The following MCF2L2 variants were observed in gnomAD, a reference collection of about 807,000 sequenced individuals.
MCF2L2 encodes MCF.2 cell line derived transforming sequence-like 2, also known as probable guanine nucleotide exchange factor MCF2L2.
In MCF2L2, 102 loss-of-function variants were observed where a neutral mutation model predicts 150.2. The observed-to-expected ratio is 0.68, with a 90% confidence interval of 0.58 to 0.80. The LOEUF (loss-of-function observed/expected upper bound fraction) is 0.80, where lower values mean the gene tolerates loss of function less well. Among genes scored for constraint, MCF2L2 ranks in the 30% least tolerant of loss-of-function variants. The pLI is 0.00. For missense variants in MCF2L2, 1,256 were observed against 1,372.8 expected, an observed-to-expected ratio of 0.91 and a Z score of 1.34; for synonymous variants, 465 against 491.3, an observed-to-expected ratio of 0.95 and a Z score of 0.71.
intron 25 of MCF2L2, among the ~76,000 whole-genome samples, chr3:183,202,515 A>C (rs1560338668): frequency 6.6e-6 from 1 of 152,246 alleles, no homozygotes; most frequent in Admixed American, 6.5e-5. Flanking sequence ...CACAAACAGA[A>C]AGTGAAAGCT....
intron 1 of MCF2L2, among the ~76,000 whole-genome samples, chr3:183,417,292 G>A (rs577435404): frequency 2.0e-5 from 3 of 152,020 alleles, no homozygotes; most frequent in Non-Finnish European, 2.9e-5. Flanking sequence ...GCCAAGGAAT[G>A]GCTGTATGCA....
intron 2 of MCF2L2, among the ~76,000 whole-genome samples, chr3:183,382,301 C>A (rs895874907): frequency 6.6e-6 from 1 of 152,120 alleles, no homozygotes; most frequent in Non-Finnish European, 1.5e-5. Flanking sequence ...TCAACTGATC[C>A]GTCTGCCTCG....
intron 3 of MCF2L2, among the ~76,000 whole-genome samples, chr3:183,360,956 C>CAGAAA (rs71185654): frequency 0.066 from 5,799 of 88,340 alleles, 286 homozygotes; most frequent in East Asian, 0.1. Flanking sequence ...GAGTGAAACT[C>CAGAAA]AGAAAAGAAA....
intron 2 of MCF2L2, among the ~76,000 whole-genome samples, chr3:183,380,572 T>C (rs923786438): frequency 1.3e-5 from 2 of 152,112 alleles, no homozygotes; most frequent in Non-Finnish European, 2.9e-5. Flanking sequence ...CAGCTAATTT[T>C]TGTATTTTTA....
At chr3:183,289,812 C>T (rs1203129348) in intron 13 of MCF2L2, among the ~76,000 whole-genome samples, 8 of 152,194 alleles carry the variant, frequency 5.3e-5, no homozygotes, top group Non-Finnish European at 1.2e-4. Context: ...GCTGAGATTG[C>T]GCCACTGCAC....
chr3:183,344,134 C>A (rs1730809422), intron 3 of MCF2L2, among the ~76,000 whole-genome samples: 1 of 151,086 alleles, frequency 6.6e-6, no homozygotes, highest in Admixed American at 6.6e-5. Flanking sequence ...AAAAACAAAA[C>A]CACCACCCCC....
chr3:183,413,154 G>A (rs1715409557), intron 1 of MCF2L2, among the ~76,000 whole-genome samples: 2 of 152,058 alleles, frequency 1.3e-5, no homozygotes, highest in African/African-American at 4.8e-5. Flanking sequence ...TGTATCTATA[G>A]TTGACCTTTG....
chr3:183,252,972 T>C (rs1724637890), intron 15 of MCF2L2, among the ~76,000 whole-genome samples: 1 of 152,200 alleles, frequency 6.6e-6, no homozygotes, highest in Non-Finnish European at 1.5e-5. Flanking sequence ...TGAAGTATTC[T>C]AAAGGAGGAA....
At chr3:183,327,235 G>A (rs1730083142) in intron 5 of MCF2L2, among the ~76,000 whole-genome samples, 1 of 152,146 alleles carries the variant, frequency 6.6e-6, no homozygotes, top group Admixed American at 6.5e-5. Context: ...TGAGGCAGGA[G>A]AATCGCTTGA....
rs1721394888 is a variant in MCF2L2, at chr3:183,178,618, C to CTTTTTATAGTTTCAGTTATT, written c.*761_*762insAATAACTGAAACTATAAAAA. The stretch of plus-strand genomic sequence containing the variant: ...AGTAACTATAAACCAGTAACTGAAA[C>CTTTTTATAGTTTCAGTTATT]TATAAAATTAAATAACCAGAAAGCT... On this transcript the variant is annotated 3_prime_UTR_variant, in exon 30 of 30. Coordinates refer to ENST00000328913, the MANE Select transcript of MCF2L2 (RefSeq NM_015078.4). 6.6e-6 allele frequency: 1 copy of CTTTTTATAGTTTCAGTTATT among 152,028 alleles called. No individual in the cohort carries two copies. Among genetic ancestry groups the CTTTTTATAGTTTCAGTTATT allele is most frequent in the South Asian group, 2.1e-4 (1 of 4,834 alleles). The allele number at this position is 152,028 out of a possible 1,614,324, so 9.4% of individuals were successfully genotyped here.
intron 3 of MCF2L2, among the ~76,000 whole-genome samples, chr3:183,345,666 T>C (rs935489172): frequency 1.3e-5 from 2 of 152,026 alleles, no homozygotes; most frequent in East Asian, 3.9e-4. Context: ...AATAGATAGA[T>C]TGCTAGCCAG....
intron 1 of MCF2L2, among the ~76,000 whole-genome samples, chr3:183,420,679 T>C (rs1715835374): frequency 6.6e-6 from 1 of 152,188 alleles, no homozygotes; most frequent in Non-Finnish European, 1.5e-5. Flanking sequence ...TCCGCCTGGC[T>C]GGGGAAGCCT....
intron 5 of MCF2L2, among the ~76,000 whole-genome samples, chr3:183,335,454 C>A (rs937242307): frequency 3.9e-5 from 6 of 151,994 alleles, no homozygotes; most frequent in African/African-American, 1.5e-4. Flanking sequence ...ATGTATGTTG[C>A]CCTCCAAAAT....
chr3:183,270,705 T>G lies in MCF2L2; in HGVS notation c.1862+6167A>C. The G allele has an allele frequency of 6.2e-7, 1 of 1,613,864 alleles. No individual in the cohort carries two copies. The highest frequency in any genetic ancestry group is 8.5e-7 in the Non-Finnish European group (1 of 1,179,894). ...GATAGTACCGCAGGACCATGTGTTT[T>G]TTTCTGGAGAGGGTAAAACTCCTTA... is the stretch of plus-strand genomic sequence containing the variant. On this transcript the variant is annotated intron_variant, in intron 15 of 29. Transcript: ENST00000328913. The surrounding 1 kb of genome is among the most constrained non-coding windows in gnomAD (Gnocchi z 4.5).
chr3:183,194,527 A>G (rs1212708803), intron 26 of MCF2L2, among the ~76,000 whole-genome samples: 1 of 152,154 alleles, frequency 6.6e-6, no homozygotes, highest in Non-Finnish European at 1.5e-5. Context: ...GCGTTTGCCC[A>G]CTCAGTAAAG....
At chr3:183,215,844 A>ACT in intron 22 of MCF2L2, 125 bp downstream of exon 22, 2 of 1,178,366 alleles carry the variant, frequency 1.7e-6, no homozygotes, top group Non-Finnish European at 2.3e-6. Context: ...AATTTAGGCG[A>ACT]CTGTCCTCAG....
At chr3:183,225,921 T>C (rs1231082583) in intron 18 of MCF2L2, 1 of 152,232 alleles carries the variant, frequency 6.6e-6, no homozygotes, top group Non-Finnish European at 1.5e-5. Context: ...AAGTTTAAGT[T>C]ATTTACTGGA....
At chr3:183,182,038 G>GC (rs1721542425) in intron 27 of MCF2L2, among the ~76,000 whole-genome samples, 1 of 152,190 alleles carries the variant, frequency 6.6e-6, no homozygotes, top group Admixed American at 6.5e-5. Flanking sequence ...CGCGGGCCCT[G>GC]CAGGGAAGCG....
At chr3:183,320,249 C>G (rs1379457227) in intron 6 of MCF2L2, among the ~76,000 whole-genome samples, 1 of 152,036 alleles carries the variant, frequency 6.6e-6, no homozygotes, top group Admixed American at 6.6e-5. Flanking sequence ...CCCGCCACCA[C>G]GCCCAGCTAA....
Sources: gnomAD v4.1 joint callset for allele counts (sites outside exome capture counted in the v4.1 genomes callset) on GRCh38, gnomAD v4.1.1 for gene constraint, Gnocchi (gnomAD v3.1) non-coding constraint, MANE v1.5 for transcripts, NCBI Gene and HGNC (gene_info 2026-07-23, HGNC 2026-07-21) for gene names.